Variants in ZFHX4 observed in about 807,000 individuals in gnomAD.
The protein encoded by ZFHX4 is zinc finger homeobox 4.
Under a neutral mutation model 267.6 loss-of-function variants are expected in ZFHX4, and 56 were observed. The ratio of observed to expected loss-of-function variants is 0.21; its 90% CI spans 0.17 to 0.26. The LOEUF (loss-of-function observed/expected upper bound fraction) is 0.26. Among genes scored for constraint, ZFHX4 ranks in the 10% least tolerant of loss-of-function variants. The probability of loss-of-function intolerance (pLI) is 1.00; values close to 1 mark genes in which losing one functional copy is unlikely to be tolerated. For synonymous variants in ZFHX4, 1,778 were observed against 1,665.6 expected (o/e 1.07, Z -1.64); for missense variants, 4,332 against 4,420.0 (o/e 0.98, Z 0.56).
chr8:76,809,144 A>G (rs1432618899), intron 4 of ZFHX4, among the ~76,000 whole-genome samples: 1 of 152,030 alleles, frequency 6.6e-6, no homozygotes, highest in East Asian at 1.9e-4. Flanking sequence ...AGTGTTATAT[A>G]CCCCTAAAAA....
chr8:76,796,687 T>C (rs937439211), intron 4 of ZFHX4, among the ~76,000 whole-genome samples: 1 of 152,196 alleles, frequency 6.6e-6, no homozygotes, highest in Admixed American at 6.6e-5. Flanking sequence ...CCTGGAGAGT[T>C]TGAAAACCAG....
chr8:76,713,991 C>T (rs1808499688), intron 3 of ZFHX4, among the ~76,000 whole-genome samples: 3 of 152,016 alleles, frequency 2.0e-5, no homozygotes, highest in Admixed American at 2.0e-4. Flanking sequence ...TTTGGCACCC[C>T]CATTCATGTC....
intron 3 of ZFHX4, among the ~76,000 whole-genome samples, chr8:76,767,642 AT>A (rs1459032678): frequency 3.9e-5 from 6 of 152,232 alleles, no homozygotes; most frequent in Admixed American, 3.9e-4. Context: ...TATTAACCAC[AT>A]TTTAAAAAAG....
intron 3 of ZFHX4, among the ~76,000 whole-genome samples, chr8:76,728,461 A>T (rs908429126): frequency 1.3e-5 from 2 of 152,068 alleles, no homozygotes; most frequent in Non-Finnish European, 2.9e-5. Flanking sequence ...CCTCTGGGGG[A>T]TATGAAAATG....
chr8:76,792,795 G>A (rs1810872938), intron 4 of ZFHX4, among the ~76,000 whole-genome samples: 1 of 152,108 alleles, frequency 6.6e-6, no homozygotes, highest in Admixed American at 6.6e-5. Context: ...CATTTTTCCA[G>A]CTTCTCCATC....
At chr8:76,746,889 C>T (rs952338654) in intron 3 of ZFHX4, among the ~76,000 whole-genome samples, 1 of 152,204 alleles carries the variant, frequency 6.6e-6, no homozygotes, top group African/African-American at 2.4e-5. Flanking sequence ...TACTACATGG[C>T]CGCAAACTCG....
At chr8:76,832,003 G>A (rs1425079760) in intron 4 of ZFHX4, among the ~76,000 whole-genome samples, 2 of 33,562 alleles carry the variant, frequency 6.0e-5, no homozygotes, top group Non-Finnish European at 1.0e-4. Context: ...TTTTTTTAGT[G>A]GGGGGGGGCA....
rs763643913 is a variant in ZFHX4, at chr8:76,833,418, T to C, written c.3394+12T>C. 4.4e-6 allele frequency: 7 copies of C among 1,590,586 alleles called. No individual in the cohort carries two copies. Among genetic ancestry groups the C allele is most frequent in the Admixed American group, 1.7e-5 (1 of 57,570 alleles). The stretch of plus-strand genomic sequence containing the variant: ...GAGATCGACCTCAGGTAATGGTTCC[T>C]ACTCCTTCTCAAAATATTTCCTTGT... On this transcript the variant is annotated intron_variant, in intron 5 of 10. Transcript: ENST00000651372.
intron 3 of ZFHX4, among the ~76,000 whole-genome samples, chr8:76,719,275 C>T (rs1390573030): frequency 6.6e-6 from 1 of 151,324 alleles, no homozygotes; most frequent in Non-Finnish European, 1.5e-5. Context: ...ATCATTAATG[C>T]CCTGTATTTT....
At position 76,848,980 on chromosome 8, in the gene ZFHX4, C is replaced by G. The variant is rs1433574445; in HGVS notation, c.3512-15C>G. On this transcript the variant is annotated splice_polypyrimidine_tract_variant and intron_variant, in intron 6 of 10. Coordinates refer to ENST00000651372, the MANE Select transcript of ZFHX4 (RefSeq NM_024721.5). The stretch of plus-strand genomic sequence containing the variant: ...TGTTTTTAAATTGAATTGTTCTATT[C>G]TTTTTGGGAATCAGGGATAATCACA... 2 of 1,503,578 alleles carry G rather than the reference C, an allele frequency of 1.3e-6. No homozygotes were observed. The highest frequency in any genetic ancestry group is 1.8e-6 in the Non-Finnish European group (2 of 1,129,324). 93.1% of individuals were successfully genotyped at this position (1,503,578 alleles called of 1,614,324 possible).
chr8:76,788,494 T>A (rs1266180268), intron 4 of ZFHX4, among the ~76,000 whole-genome samples: 2 of 152,242 alleles, frequency 1.3e-5, no homozygotes. Flanking sequence ...ATTTCAATTT[T>A]TTAAAAATAT....
At chr8:76,774,009 G>C (rs1210897336) in intron 3 of ZFHX4, among the ~76,000 whole-genome samples, 1 of 152,138 alleles carries the variant, frequency 6.6e-6, no homozygotes, top group Admixed American at 6.6e-5. Context: ...TTTTGGACCA[G>C]ACTGAATAAA....
rs1033974251 is a variant in ZFHX4 at position 76,730,018 on chromosome 8, C to T, written c.3093+21970C>T. Among the ~76,000 whole-genome samples, 8 of 152,058 alleles carry T rather than the reference C, an allele frequency of 5.3e-5. No homozygotes were observed. In the South Asian group the frequency reaches 6.2e-4, roughly 12 times the overall value. On this transcript the variant is annotated intron_variant, in intron 3 of 10. Transcript: ENST00000651372. ...TGGGAGAAAAAAATTTTCAAAGCAA[C>T]GAAGGAGAACTTGGTGTTTGTTTGT... is the stretch of plus-strand genomic sequence containing the variant.
At chr8:76,828,984 G>T (rs1041022469) in intron 4 of ZFHX4, among the ~76,000 whole-genome samples, 3 of 152,142 alleles carry the variant, frequency 2.0e-5, no homozygotes, top group Non-Finnish European at 2.9e-5. Flanking sequence ...TTGGGAGGAG[G>T]TGAGATGTGG....
intron 5 of ZFHX4, among the ~76,000 whole-genome samples, chr8:76,839,384 C>T (rs1812177525): frequency 6.6e-6 from 1 of 151,972 alleles, no homozygotes; most frequent in African/African-American, 2.4e-5. Context: ...AGTATTTTGC[C>T]TTCTTTCTAT....
chr8:76,813,303 A>C, intron 4 of ZFHX4, among the ~76,000 whole-genome samples: 1 of 152,260 alleles, frequency 6.6e-6, no homozygotes, highest in Admixed American at 6.5e-5. Flanking sequence ...CAGTCTCGTA[A>C]GAATTTTCTT....
At chr8:76,774,353 T>C (rs944730708) in intron 3 of ZFHX4, among the ~76,000 whole-genome samples, 4 of 152,200 alleles carry the variant, frequency 2.6e-5, no homozygotes, top group African/African-American at 9.6e-5. Flanking sequence ...TCCATCCATT[T>C]CATTCAGATT....
Position 76,853,660 on chromosome 8 carries a change from A to G in ZFHX4, c.6739A>G (p.Thr2247Ala), listed in dbSNP as rs780044253. 4 of 1,613,700 alleles carry G rather than the reference A, an allele frequency of 2.5e-6. No homozygotes were observed. The highest frequency in any genetic ancestry group is 2.2e-5 in the South Asian group (2 of 91,066). Residue 2247 changes from threonine to alanine, a missense_variant, in exon 10 of 11, where the codon ACA becomes GCA. Physicochemically the swap from Thr to Ala is moderately conservative, Grantham distance 58. This residue lies in a region of ZFHX4 where 62 missense variants were observed against 69.8 expected (regional missense o/e 0.89). Transcript: ENST00000651372. Reference protein sequence around the residue: ...QLRVLQDFFDTNAYPKDDEIE... With the variant: ...QLRVLQDFFDANAYPKDDEIE... ...TAGGGTTCTGCAAGACTTTTTTGAC[A>G]CAAACGCTTACCCAAAAGATGATGA...
intron 4 of ZFHX4, among the ~76,000 whole-genome samples, chr8:76,796,653 A>G (rs949993765): frequency 2.0e-5 from 3 of 152,156 alleles, no homozygotes; most frequent in Non-Finnish European, 4.4e-5. Context: ...ACTGGAACCA[A>G]CTGTAATGGT....
Sources: gnomAD v4.1 joint callset for allele counts (sites outside exome capture counted in the v4.1 genomes callset) on GRCh38, gnomAD v4.1.1 for gene constraint, gnomAD v4.1.1 regional missense constraint, MANE v1.5 for transcripts, NCBI Gene and HGNC (gene_info 2026-07-23, HGNC 2026-07-21) for gene names.